The following FER variants were observed in gnomAD, a reference collection of about 807,000 sequenced individuals.
FER encodes the protein tyrosine-protein kinase Fer.
FER carries 63 observed loss-of-function variants against 111.0 expected under a neutral mutation model. That is an observed-to-expected ratio of 0.57 (90% CI 0.46 to 0.70). FER has a LOEUF of 0.70. Among genes scored for constraint, FER ranks in the 30% least tolerant of loss-of-function variants. The probability of loss-of-function intolerance (pLI) is 0.00; values close to 1 mark genes in which losing one functional copy is unlikely to be tolerated. For missense variants in FER, 914 were observed against 954.0 expected (o/e 0.96, Z 0.55); for synonymous variants, 327 against 313.9 (o/e 1.04, Z -0.44).
intron 11 of FER, among the ~76,000 whole-genome samples, chr5:108,953,078 A>G (rs1392660138): frequency 2.6e-5 from 4 of 152,066 alleles, no homozygotes; most frequent in African/African-American, 7.2e-5. Flanking sequence ...TAGATGCACT[A>G]TCATAAAATT....
chr5:108,895,001 A>C (rs551480241), intron 9 of FER, among the ~76,000 whole-genome samples: 1 of 152,302 alleles, frequency 6.6e-6, no homozygotes, highest in East Asian at 1.9e-4. Flanking sequence ...AGTGAGGATT[A>C]GAGAAAATGG....
chr5:109,162,081 A>G (rs185967415), intron 17 of FER, among the ~76,000 whole-genome samples: 20 of 151,984 alleles, frequency 1.3e-4, no homozygotes, highest in African/African-American at 4.8e-4. Flanking sequence ...TCCTATACCT[A>G]CTTTTTAACA....
chr5:108,780,625 A>G (rs1210972109), intron 2 of FER, among the ~76,000 whole-genome samples: 3 of 151,758 alleles, frequency 2.0e-5, no homozygotes, highest in Non-Finnish European at 4.4e-5. Flanking sequence ...TTTTTTAATC[A>G]TTATCCTGCT....
chr5:109,082,140 T>G (rs1235946151), intron 16 of FER, among the ~76,000 whole-genome samples: 1 of 152,056 alleles, frequency 6.6e-6, no homozygotes, highest in Non-Finnish European at 1.5e-5. Context: ...TTTGTCTTAT[T>G]TTTTTCTACT....
chr5:109,123,138 TTTCC>T (rs1160219409), intron 17 of FER, among the ~76,000 whole-genome samples: 1 of 150,858 alleles, frequency 6.6e-6, no homozygotes. Context: ...TCCCCTCTTA[TTTCC>T]TTCCTTCCTG....
chr5:109,179,132 A>T (rs1758014693), intron 17 of FER, among the ~76,000 whole-genome samples: 1 of 152,052 alleles, frequency 6.6e-6, no homozygotes, highest in Non-Finnish European at 1.5e-5. Context: ...ATTCCCAAAG[A>T]TATTCTGTGT....
At chr5:108,910,372 C>A (rs1004640144) in intron 10 of FER, among the ~76,000 whole-genome samples, 1 of 152,130 alleles carries the variant, frequency 6.6e-6, no homozygotes, top group Non-Finnish European at 1.5e-5. Flanking sequence ...AGAATGGGTA[C>A]AGTGGCTTTT....
intron 10 of FER, among the ~76,000 whole-genome samples, chr5:108,926,465 C>T (rs1035158018): frequency 5.3e-5 from 8 of 152,032 alleles, no homozygotes; most frequent in African/African-American, 1.9e-4. Flanking sequence ...GCTTTGATGG[C>T]TATCACCCAC....
chr5:108,951,344 G>A (rs916572350), intron 11 of FER, among the ~76,000 whole-genome samples: 1 of 152,072 alleles, frequency 6.6e-6, no homozygotes, highest in Non-Finnish European at 1.5e-5. Context: ...CCTGACTTAA[G>A]CAGTCCTCCC....
chr5:109,078,590 C>A (rs991505111), intron 16 of FER, among the ~76,000 whole-genome samples: 1 of 152,074 alleles, frequency 6.6e-6, no homozygotes, highest in African/African-American at 2.4e-5. Flanking sequence ...ACTGACTCTC[C>A]CTCTTTCACA....
chr5:108,910,909 A>T (rs1392537248), intron 10 of FER, among the ~76,000 whole-genome samples: 1 of 152,042 alleles, frequency 6.6e-6, no homozygotes, highest in African/African-American at 2.4e-5. Flanking sequence ...ATTTAGGTTG[A>T]TTCCATGACT....
chr5:108,897,323 C>T (rs960523636), intron 9 of FER, among the ~76,000 whole-genome samples: 2 of 152,160 alleles, frequency 1.3e-5, no homozygotes, highest in African/African-American at 4.8e-5. Context: ...GATCCTGCTT[C>T]TGTTATTTTA....
intron 17 of FER, among the ~76,000 whole-genome samples, chr5:109,145,629 T>C (rs749920127): frequency 1.3e-5 from 2 of 152,088 alleles, no homozygotes; most frequent in East Asian, 1.9e-4. Context: ...GCCAGCAAGA[T>C]CTAACATTCA....
chr5:108,841,904 G>C, intron 5 of FER: 2 of 353,220 alleles, frequency 5.7e-6, no homozygotes, highest in Non-Finnish European at 1.1e-5. Flanking sequence ...TAGTATTTTT[G>C]TATGTATTTA....
At chr5:109,058,761 C>A in intron 16 of FER, among the ~76,000 whole-genome samples, 1 of 98,284 alleles carries the variant, frequency 1.0e-5, no homozygotes, top group East Asian at 3.3e-4. Context: ...GAGACGGAGT[C>A]TAGCTCTGTC....
chr5:108,876,504 TTTA>T (rs1765104969), intron 8 of FER, among the ~76,000 whole-genome samples: 1 of 152,184 alleles, frequency 6.6e-6, no homozygotes, highest in Non-Finnish European at 1.5e-5. Flanking sequence ...GCATCTTATT[TTTA>T]TTATCAGTTC....
intron 16 of FER, among the ~76,000 whole-genome samples, chr5:109,081,214 A>G (rs1776950597): frequency 6.6e-6 from 1 of 152,146 alleles, no homozygotes; most frequent in Admixed American, 6.6e-5. Flanking sequence ...AAGTTTATGT[A>G]GTAAAACTCA....
intron 1 of FER, among the ~76,000 whole-genome samples, chr5:108,767,319 A>G (rs1752430678): frequency 6.6e-6 from 1 of 152,020 alleles, no homozygotes; most frequent in African/African-American, 2.4e-5. Context: ...ACAAACAAGC[A>G]AATAAATAAA....
At chr5:109,067,174 C>T (rs1401265940) in intron 16 of FER, among the ~76,000 whole-genome samples, 2 of 152,116 alleles carry the variant, frequency 1.3e-5, no homozygotes, top group African/African-American at 4.8e-5. Flanking sequence ...GGGTAAGCAA[C>T]TGGATTTTAT....
Sources: allele counts gnomAD v4.1 joint callset (sites outside exome capture counted in the v4.1 genomes callset), GRCh38; gene constraint gnomAD v4.1.1; transcripts MANE v1.5; gene names NCBI Gene and HGNC (gene_info 2026-07-23, HGNC 2026-07-21).